Variants in NEK4 observed in about 807,000 individuals in gnomAD.
NEK4 encodes the protein serine/threonine-protein kinase Nek4.
In NEK4, 86 loss-of-function variants were observed where a neutral mutation model predicts 98.4. The observed-to-expected ratio is 0.87, with a 90% CI of 0.73 to 1.05. The LOEUF is 1.05. NEK4 is among the 50% of genes least tolerant of loss of function. The pLI is 0.00. For synonymous variants in NEK4, 328 were observed against 342.2 expected (o/e 0.96, Z 0.46); for missense variants, 898 against 950.3 (o/e 0.94, Z 0.72).
At chr3:52,745,355 C>A (rs113162536) in intron 10 of NEK4, among the ~76,000 whole-genome samples, 6 of 151,966 alleles carry the variant, frequency 3.9e-5, no homozygotes, top group African/African-American at 1.4e-4. Context: ...CCAAGGCAGG[C>A]GGATCATCTG....
chr3:52,727,567 C>T (rs2154102581), intron 15 of NEK4, among the ~76,000 whole-genome samples: 1 of 152,200 alleles, frequency 6.6e-6, no homozygotes, highest in South Asian at 2.1e-4. Context: ...CCTCCACCTC[C>T]CAGGTTCAAG....
At chr3:52,731,865 G>A (rs996422066) in intron 15 of NEK4, among the ~76,000 whole-genome samples, 1 of 152,214 alleles carries the variant, frequency 6.6e-6, no homozygotes, top group Non-Finnish European at 1.5e-5. Flanking sequence ...GAGGGACCCG[G>A]CGGGAGGTAA....
At chr3:52,721,756 A>T (rs897364152) in intron 15 of NEK4, among the ~76,000 whole-genome samples, 5 of 151,936 alleles carry the variant, frequency 3.3e-5, no homozygotes, top group Non-Finnish European at 7.4e-5. Flanking sequence ...AAAAAAAGTA[A>T]CCACATTTAC....
chr3:52,762,804 C>A (rs1698405314), intron 5 of NEK4, among the ~76,000 whole-genome samples: 1 of 152,012 alleles, frequency 6.6e-6, no homozygotes, highest in South Asian at 2.1e-4. Context: ...TTGCTTGAAC[C>A]CGGGAGGCGG....
chr3:52,753,138 T>TA (rs2097408576), intron 6 of NEK4, among the ~76,000 whole-genome samples: 1 of 151,450 alleles, frequency 6.6e-6, no homozygotes, highest in South Asian at 2.1e-4. Flanking sequence ...CCCATTTCTA[T>TA]AAAAAATACC....
intron 7 of NEK4, among the ~76,000 whole-genome samples, chr3:52,750,704 G>A (rs1354226010): frequency 6.6e-6 from 1 of 152,048 alleles, no homozygotes; most frequent in African/African-American, 2.4e-5. Flanking sequence ...AAGTTGGGAG[G>A]ACTGTCGAGC....
chr3:52,747,037 CA>C (rs2154104593), intron 8 of NEK4, 133 bp from the exon 9 acceptor site: 1 of 658,768 alleles, frequency 1.5e-6, no homozygotes, highest in East Asian at 2.7e-5. Flanking sequence ...AACTGGTTTC[CA>C]TATTGCAATT....
intron 8 of NEK4, chr3:52,747,498 CA>C (rs2097398311): frequency 6.6e-6 from 1 of 150,948 alleles, no homozygotes; most frequent in Non-Finnish European, 1.5e-5. Context: ...GTTGCAATTT[CA>C]AATTTTTGTG....
chr3:52,770,779 C>A lies in NEK4; in HGVS notation c.-33G>T. On this transcript the variant is annotated 5_prime_UTR_variant, in exon 1 of 16. Transcript: ENST00000233027. ...GCGCTGGCCCAGAGTCGGGATGCGG[C>A]GGCAGCGGCGGGTAGGGCAGCGGGC... is the stretch of plus-strand genomic sequence containing the variant. 6.5e-7 allele frequency: 1 copy of A among 1,534,482 alleles called. No individual in the cohort carries two copies. The highest frequency in any genetic ancestry group is 8.8e-7 in the Non-Finnish European group (1 of 1,136,420).
chr3:52,748,728 A>G (rs754866249), intron 8 of NEK4, among the ~76,000 whole-genome samples: 2 of 152,186 alleles, frequency 1.3e-5, no homozygotes, highest in African/African-American at 2.4e-5. Flanking sequence ...TTGTATTACT[A>G]TTTCAGGATT....
intron 15 of NEK4, chr3:52,733,609 A>G: frequency 2.0e-6 from 1 of 507,724 alleles, no homozygotes; most frequent in East Asian, 5.5e-5. Flanking sequence ...TACAAATGTA[A>G]CAAACGTTGA....
At chr3:52,734,207 G>A (rs1362309235) in intron 15 of NEK4, among the ~76,000 whole-genome samples, 1 of 152,058 alleles carries the variant, frequency 6.6e-6, no homozygotes, top group African/African-American at 2.4e-5. Context: ...AGCATTTTGG[G>A]AGGCCGAGGC....
intron 15 of NEK4, among the ~76,000 whole-genome samples, chr3:52,723,078 G>A (rs534576171): frequency 7.7e-4 from 117 of 152,050 alleles, no homozygotes; most frequent in African/African-American, 2.6e-3. Flanking sequence ...GGTGGCATGT[G>A]CCTGTAGTTC....
chr3:52,755,373 T>C (rs1240644951), intron 6 of NEK4, among the ~76,000 whole-genome samples: 3 of 151,592 alleles, frequency 2.0e-5, no homozygotes, highest in African/African-American at 2.4e-5. Context: ...TTAAGGACAA[T>C]GAATTATATG....
chr3:52,752,581 T>A (rs2097407184), intron 6 of NEK4, among the ~76,000 whole-genome samples: 1 of 151,930 alleles, frequency 6.6e-6, no homozygotes, highest in African/African-American at 2.4e-5. Flanking sequence ...CAAAAGTCCA[T>A]CAGCAGATGA....
chr3:52,768,317 T>C, intron 2 of NEK4, 21 bp downstream of exon 2: 1 of 1,595,768 alleles, frequency 6.3e-7, no homozygotes, highest in Non-Finnish European at 8.6e-7. Flanking sequence ...CAAGCTAGGA[T>C]GCTATTAGTC....
At chr3:52,730,499 A>G (rs2097368582) in intron 15 of NEK4, among the ~76,000 whole-genome samples, 1 of 152,226 alleles carries the variant, frequency 6.6e-6, no homozygotes, top group African/African-American at 2.4e-5. Flanking sequence ...AGAGAAATGC[A>G]TATGAATATC....
chr3:52,756,848 A>T (rs2097415924), intron 6 of NEK4, among the ~76,000 whole-genome samples: 1 of 152,226 alleles, frequency 6.6e-6, no homozygotes, highest in Non-Finnish European at 1.5e-5. Flanking sequence ...TGCAAATCAT[A>T]TATGTGATAA....
In NEK4 at chr3:52,744,576, C is replaced by T. The variant is rs192151930; in HGVS notation, c.1828-271G>A. On this transcript the variant is annotated intron_variant, in intron 10 of 15. Transcript: ENST00000233027. ...GTGCGTGCCTGTAATCCCAGCTACT[C>T]GGGAGGCTGAGGCAGGAGAATTGCT... Among the ~76,000 whole-genome samples, 732 of 150,234 alleles carry T rather than the reference C, an allele frequency of 4.9e-3. 5 individuals are homozygous for T. The highest frequency in any genetic ancestry group is 0.016 in the African/African-American group (668 of 40,966).
Sources: allele counts gnomAD v4.1 joint callset (sites outside exome capture counted in the v4.1 genomes callset), GRCh38; gene constraint gnomAD v4.1.1; transcripts MANE v1.5; gene names NCBI Gene and HGNC (gene_info 2026-07-23, HGNC 2026-07-21).